Variants in ZNF79 observed in about 807,000 individuals in gnomAD.
ZNF79 encodes the protein ZNFpT7.
A neutral mutation model predicts 14.9 loss-of-function variants in ZNF79; 13 were observed. The ratio of observed to expected loss-of-function variants is 0.87; its 90% CI spans 0.57 to 1.38. The LOEUF (loss-of-function observed/expected upper bound fraction) is 1.38, where lower values mean the gene tolerates loss of function less well. Ranked by LOEUF, ZNF79 falls within the 40% of genes most tolerant of loss-of-function variation. ZNF79 has a pLI of 0.00. For missense variants in ZNF79, 631 were observed against 630.6 expected (o/e 1.00, Z -0.01); for synonymous variants, 223 against 235.1 (o/e 0.95, Z 0.47).
At chr9:127,433,380 C>T (rs1012981507) in intron 2 of ZNF79, among the ~76,000 whole-genome samples, 2 of 152,160 alleles carry the variant, frequency 1.3e-5, no homozygotes, top group African/African-American at 4.8e-5. Flanking sequence ...GAGCTGGGAA[C>T]AGACAAGGAA....
At chr9:127,443,991 C>A in intron 4 of ZNF79, 38 bp from the exon 5 acceptor site, 1 of 1,530,232 alleles carries the variant, frequency 6.5e-7, no homozygotes, top group South Asian at 1.3e-5. Flanking sequence ...GTATTCCTTC[C>A]ACCAAGGGAA....
intron 4 of ZNF79, among the ~76,000 whole-genome samples, chr9:127,439,088 G>A (rs1206433736): frequency 6.6e-6 from 1 of 151,494 alleles, no homozygotes; most frequent in African/African-American, 2.4e-5. Flanking sequence ...CTCCAGCCTG[G>A]GCGACTAAGC....
rs1448938571 is a variant in ZNF79 at position 127,435,954 on chromosome 9, G to A, written c.279G>A (p.Arg93=). 13 of 1,614,134 alleles carry A rather than the reference G, an allele frequency of 8.1e-6. No individual in the cohort carries two copies. Among genetic ancestry groups the A allele is most frequent in the Admixed American group, 1.7e-5 (1 of 60,010 alleles). Reference sequence around the variant, plus strand: ...GCATGAACTCCCAGTTGGAACAAAGGGAAGGCGCATGGATGCTGGAGGGCG... The same window carrying A: ...GCATGAACTCCCAGTTGGAACAAAGAGAAGGCGCATGGATGCTGGAGGGCG... ...QPGMNSQLEQ[R]EGAWMLEGED... The change falls in exon 4 of 5, where the codon AGG becomes AGA. Residue 93 remains arginine (R), a synonymous_variant. Transcript: ENST00000342483.
At position 127,444,243 on chromosome 9, in the gene ZNF79, C is replaced by T. The variant is rs1834108432; in HGVS notation, c.543C>T (p.Asn181=). The T allele has an allele frequency of 1.2e-6, 2 of 1,614,128 alleles. No homozygotes were observed. The highest frequency in any genetic ancestry group is 4.5e-5 in the East Asian group (2 of 44,884). The change falls in exon 5 of 5, where the codon AAC becomes AAT. Residue 181 remains asparagine (N), a synonymous_variant. Coordinates refer to ENST00000342483, the MANE Select transcript of ZNF79 (RefSeq NM_007135.3). ...KCETHTESFK[N]SEILKPHRAK... is the part of the protein sequence containing the mutation. ...AGACACACACCGAGAGCTTCAAGAA[C>T]TCGGAAATCCTGAAACCTCACAGAG...
At position 127,444,383 on chromosome 9, in the gene ZNF79, AGG is replaced by A. The variant is rs1834113420; in HGVS notation, c.684_685del (p.Lys228AsnfsTer25). 1 of 1,612,518 alleles carries A rather than the reference AGG, an allele frequency of 6.2e-7. No individual in the cohort carries two copies. The highest frequency in any genetic ancestry group is 1.3e-5 in the African/African-American group (1 of 74,924). On this transcript the variant is annotated frameshift_variant, in exon 5 of 5. Coordinates refer to ENST00000342483, the MANE Select transcript of ZNF79 (RefSeq NM_007135.3). LOFTEE classifies it low-confidence loss of function (END_TRUNC). Reference sequence around the variant, plus strand: ...CCCTATGAGTGCAGTGAATGTGGGAAGGCCTTCAGCCAGAGCTCATCTCTCAT... The same window carrying A: ...CCCTATGAGTGCAGTGAATGTGGGAACCTTCAGCCAGAGCTCATCTCTCAT...
At chr9:127,443,358 T>A (rs1371364956) in intron 4 of ZNF79, among the ~76,000 whole-genome samples, 1 of 152,192 alleles carries the variant, frequency 6.6e-6, no homozygotes, top group African/African-American at 2.4e-5. Context: ...GAGGCTGCAG[T>A]GAGCTGTGAC....
chr9:127,431,926 G>T (rs1833867707), intron 2 of ZNF79, among the ~76,000 whole-genome samples: 1 of 151,866 alleles, frequency 6.6e-6, no homozygotes, highest in Non-Finnish European at 1.5e-5. Flanking sequence ...CTCCTTTCTG[G>T]GTCTATGTGT....
At chr9:127,430,302 C>T (rs959435249) in intron 2 of ZNF79, among the ~76,000 whole-genome samples, 2 of 151,846 alleles carry the variant, frequency 1.3e-5, no homozygotes, top group African/African-American at 2.4e-5. Context: ...GGTATGTGTG[C>T]AGGGTTGTTA....
At chr9:127,425,635 G>A (rs991671373) in intron 1 of ZNF79, among the ~76,000 whole-genome samples, 2 of 152,000 alleles carry the variant, frequency 1.3e-5, no homozygotes, top group African/African-American at 4.8e-5. Context: ...CTCTGTCGCC[G>A]AGGCTGGAGT....
intron 1 of ZNF79, among the ~76,000 whole-genome samples, chr9:127,426,902 A>G (rs1006139807): frequency 3.9e-5 from 6 of 152,058 alleles, no homozygotes; most frequent in East Asian, 3.9e-4. Context: ...ATCATTTTCT[A>G]TTCTCAGCAG....
At chr9:127,443,892 C>T (rs1834095706) in intron 4 of ZNF79, 137 bp from the exon 5 acceptor site, 1 of 788,456 alleles carries the variant, frequency 1.3e-6, no homozygotes, top group Admixed American at 3.5e-5. Context: ...CAGAGCGAGA[C>T]TCCGTCTCAA....
In ZNF79 at chr9:127,445,169, G is replaced by A; in HGVS notation, c.1469G>A (p.Arg490Lys). 1.9e-6 allele frequency: 3 copies of A among 1,614,146 alleles called. No homozygotes were observed. The highest frequency in any genetic ancestry group is 2.5e-6 in the Non-Finnish European group (3 of 1,180,006). The change falls in exon 5 of 5, where the codon AGA (arginine) becomes AAA (lysine). Residue 490 changes from arginine (R) to lysine (K), a missense_variant. Transcript: ENST00000342483. Reference sequence around the variant, plus strand: ...TTCCGGTGCAGCTCTGCCTTCGTTAGACATCAGAGACTCCACGCCGGAGAG... The same window carrying A: ...TTCCGGTGCAGCTCTGCCTTCGTTAAACATCAGAGACTCCACGCCGGAGAG... ...KAFRCSSAFV[R>K]HQRLHAGE
chr9:127,427,542 CTTT>C (rs71378001), intron 1 of ZNF79, among the ~76,000 whole-genome samples: 5 of 132,554 alleles, frequency 3.8e-5, no homozygotes, highest in Non-Finnish European at 3.1e-5. Context: ...TAACTAAATT[CTTT>C]TTTTTTTTTT....
At chr9:127,431,124 T>C (rs1185522004) in intron 2 of ZNF79, among the ~76,000 whole-genome samples, 3 of 152,152 alleles carry the variant, frequency 2.0e-5, no homozygotes, top group Non-Finnish European at 2.9e-5. Context: ...TTAACGTGGT[T>C]ATTTGTTTTT....
intron 1 of ZNF79, chr9:127,428,570 A>C: frequency 1.3e-5 from 11 of 835,978 alleles, no homozygotes; most frequent in Non-Finnish European, 1.7e-5. Flanking sequence ...AATGAGACTT[A>C]GAGAGGTTAC....
In ZNF79 at chr9:127,424,466, C is replaced by T. The variant is rs775088528; in HGVS notation, c.-322C>T. Reference sequence around the variant, plus strand: ...GCGGTTCTTGAGCTCTCGCGGTTGCCGGTAGATTGTTGCCAGTTGCCAGTT... The same window carrying T: ...GCGGTTCTTGAGCTCTCGCGGTTGCTGGTAGATTGTTGCCAGTTGCCAGTT... On this transcript the variant is annotated 5_prime_UTR_variant, in exon 1 of 5. Transcript: ENST00000342483. 79 of 345,388 alleles carry T rather than the reference C, an allele frequency of 2.3e-4. No individual in the cohort carries two copies. Among genetic ancestry groups the T allele is most frequent in the Admixed American group, 4.1e-4 (10 of 24,656 alleles). The allele number at this position is 345,388 out of a possible 1,614,324, so 21.4% of individuals were successfully genotyped here.
chr9:127,429,551 G>T (rs1833823887), intron 2 of ZNF79, among the ~76,000 whole-genome samples: 1 of 148,948 alleles, frequency 6.7e-6, no homozygotes, highest in Non-Finnish European at 1.5e-5. Flanking sequence ...GTCTGGTCTT[G>T]AACTCCTGGG....
In ZNF79 at chr9:127,444,957, TAATGA is replaced by T. The variant is rs774322766; in HGVS notation, c.1259_1263del (p.Asn420MetfsTer7). Reference sequence around the variant, plus strand: ...ACACCGGGGAGAAGCCATATAAATGTAATGAATGTGGGAAATTCTTCAGTGAGAGC... The same window carrying T: ...ACACCGGGGAGAAGCCATATAAATGTATGTGGGAAATTCTTCAGTGAGAGC... On this transcript the variant is annotated frameshift_variant, in exon 5 of 5. Transcript: ENST00000342483. LOFTEE classifies it high-confidence loss of function. 3 of 1,613,894 alleles carry T rather than the reference TAATGA, an allele frequency of 1.9e-6. No homozygotes were observed. Among genetic ancestry groups the T allele is most frequent in the Non-Finnish European group, 2.5e-6 (3 of 1,180,006 alleles).
intron 1 of ZNF79, among the ~76,000 whole-genome samples, chr9:127,425,179 TGCCTGGAA>T (rs1833729212): frequency 6.6e-6 from 1 of 152,120 alleles, no homozygotes; most frequent in South Asian, 2.1e-4. Context: ...CAGCCAGGAA[TGCCTGGAA>T]GCCCGGGAAA....
Sources: allele counts gnomAD v4.1 joint callset (sites outside exome capture counted in the v4.1 genomes callset), GRCh38; gene constraint gnomAD v4.1.1; transcripts MANE v1.5; gene names NCBI Gene and HGNC (gene_info 2026-07-23, HGNC 2026-07-21).